Variants in FSTL5 observed in about 807,000 individuals in gnomAD.
The protein encoded by FSTL5 is follistatin like 5.
FSTL5 carries 62 observed loss-of-function variants against 89.1 expected under a neutral mutation model. That is an observed-to-expected ratio of 0.70 (90% CI 0.57 to 0.86). The LOEUF is 0.86. Among genes scored for constraint, FSTL5 ranks in the 40% least tolerant of loss-of-function variants. The pLI is 0.00. For synonymous variants in FSTL5, 383 were observed against 346.2 expected (o/e 1.11, Z -1.18); for missense variants, 1,057 against 1,001.6 (o/e 1.06, Z -0.75).
At chr4:161,911,853 C>A (rs565380728) in intron 4 of FSTL5, among the ~76,000 whole-genome samples, 1 of 152,240 alleles carries the variant, frequency 6.6e-6, no homozygotes, top group South Asian at 2.1e-4. Flanking sequence ...CTGGAAAGTG[C>A]AGAATTTCCT....
intron 4 of FSTL5, among the ~76,000 whole-genome samples, chr4:161,916,501 C>A (rs754391300): frequency 3.9e-4 from 59 of 152,070 alleles, no homozygotes; most frequent in Admixed American, 1.4e-3. Flanking sequence ...CAAAAATGAA[C>A]AGCTAGGCAT....
intron 12 of FSTL5, among the ~76,000 whole-genome samples, chr4:161,498,017 T>C (rs557732076): frequency 1.1e-4 from 16 of 151,904 alleles, no homozygotes; most frequent in Admixed American, 3.3e-4. Flanking sequence ...AACATATATG[T>C]ATACATAGAG....
intron 3 of FSTL5, among the ~76,000 whole-genome samples, chr4:161,931,771 T>G: frequency 6.6e-6 from 1 of 151,988 alleles, no homozygotes; most frequent in East Asian, 1.9e-4. Flanking sequence ...TAATGTTGTA[T>G]GCTTTCTTTG....
intron 2 of FSTL5, among the ~76,000 whole-genome samples, chr4:162,104,233 A>G (rs947265356): frequency 2.0e-5 from 3 of 152,194 alleles, no homozygotes; most frequent in African/African-American, 7.2e-5. Flanking sequence ...GCCTGGGTTC[A>G]TCCTAATGGA....
chr4:161,936,542 T>A (rs2110910436), intron 3 of FSTL5, among the ~76,000 whole-genome samples: 1 of 152,268 alleles, frequency 6.6e-6, no homozygotes, highest in South Asian at 2.1e-4. Flanking sequence ...ACTTTGTGGT[T>A]GGTAAAGCTG....
At chr4:161,465,159 T>C (rs77306083) in intron 13 of FSTL5, among the ~76,000 whole-genome samples, 4,498 of 152,186 alleles carry the variant, frequency 0.03, 194 homozygotes, top group African/African-American at 0.1. Context: ...TTGGTCCTTA[T>C]AGTAGCTTTT....
intron 2 of FSTL5, among the ~76,000 whole-genome samples, chr4:162,095,439 A>G (rs1320292834): frequency 6.6e-6 from 1 of 152,142 alleles, no homozygotes; most frequent in African/African-American, 2.4e-5. Flanking sequence ...TGACTTAGTC[A>G]TTAGAATCCT....
chr4:161,820,958 C>A (rs1579116271), intron 4 of FSTL5, among the ~76,000 whole-genome samples: 1 of 145,310 alleles, frequency 6.9e-6, no homozygotes, highest in Non-Finnish European at 1.5e-5. Context: ...AAAAAAAAAA[C>A]CACCAAACTC....
chr4:161,840,729 G>C (rs140864077), intron 4 of FSTL5, among the ~76,000 whole-genome samples: 35 of 152,092 alleles, frequency 2.3e-4, no homozygotes, highest in African/African-American at 8.2e-4. Flanking sequence ...TAAAATTACT[G>C]TACAGGATGA....
At chr4:161,943,777 G>A (rs140295021) in intron 3 of FSTL5, among the ~76,000 whole-genome samples, 97 of 151,792 alleles carry the variant, frequency 6.4e-4, no homozygotes, top group African/African-American at 2.2e-3. Flanking sequence ...GCATGGTCTC[G>A]ATCTCCTGAC....
chr4:161,898,870 C>A (rs1276584494), intron 4 of FSTL5, among the ~76,000 whole-genome samples: 1 of 152,076 alleles, frequency 6.6e-6, no homozygotes, highest in Non-Finnish European at 1.5e-5. Context: ...ACCTAATGAT[C>A]CGCCCGCCTC....
chr4:161,987,427 T>G (rs1340961723), intron 3 of FSTL5, among the ~76,000 whole-genome samples: 1 of 149,524 alleles, frequency 6.7e-6, no homozygotes, highest in African/African-American at 2.4e-5. Context: ...ACTACAAGCA[T>G]GGGCTCATAA....
At chr4:161,431,631 T>G (rs1732375741) in intron 15 of FSTL5, among the ~76,000 whole-genome samples, 1 of 152,044 alleles carries the variant, frequency 6.6e-6, no homozygotes. Flanking sequence ...TAACATTGAA[T>G]GTAAATGGAC....
At chr4:162,099,907 C>T (rs187195102) in intron 2 of FSTL5, among the ~76,000 whole-genome samples, 2 of 151,918 alleles carry the variant, frequency 1.3e-5, no homozygotes, top group Non-Finnish European at 2.9e-5. Context: ...ATGCAAAATA[C>T]TGACAACACC....
At chr4:161,969,865 G>A (rs1328158862) in intron 3 of FSTL5, among the ~76,000 whole-genome samples, 2 of 152,014 alleles carry the variant, frequency 1.3e-5, no homozygotes, top group South Asian at 2.1e-4. Flanking sequence ...AATAATATAG[G>A]CAGAGGAAAT....
At chr4:161,619,228 A>C (rs957070558) in intron 7 of FSTL5, among the ~76,000 whole-genome samples, 68 of 152,328 alleles carry the variant, frequency 4.5e-4, no homozygotes, top group African/African-American at 1.6e-3. Flanking sequence ...ACCTAAAACC[A>C]TAAAAACCCT....
chr4:161,924,490 A>G (rs1444446411), intron 3 of FSTL5, among the ~76,000 whole-genome samples: 3 of 151,666 alleles, frequency 2.0e-5, no homozygotes, highest in African/African-American at 4.8e-5. Flanking sequence ...AAGGTGGTAT[A>G]TTGGTTGGTA....
intron 3 of FSTL5, among the ~76,000 whole-genome samples, chr4:161,948,925 T>C (rs1008946389): frequency 6.6e-6 from 1 of 152,176 alleles, no homozygotes; most frequent in Non-Finnish European, 1.5e-5. Context: ...TAATTTCCCA[T>C]TGATGCTGTG....
At chr4:161,527,487 CA>C (rs201459371) in intron 10 of FSTL5, among the ~76,000 whole-genome samples, 4,062 of 152,160 alleles carry the variant, frequency 0.027, 153 homozygotes, top group African/African-American at 0.091. Flanking sequence ...GGGTGAAGGA[CA>C]TGAACAGACA....
Sources: allele counts gnomAD v4.1 joint callset (sites outside exome capture counted in the v4.1 genomes callset), GRCh38; gene constraint gnomAD v4.1.1; transcripts MANE v1.5; gene names NCBI Gene and HGNC (gene_info 2026-07-23, HGNC 2026-07-21).